Variants in BBOF1 observed in about 807,000 individuals in gnomAD.
The protein encoded by BBOF1 is basal body orientation factor 1.
Under a neutral mutation model 68.0 loss-of-function variants are expected in BBOF1, and 62 were observed. The ratio of observed to expected loss-of-function variants is 0.91; its 90% CI spans 0.74 to 1.13. BBOF1 has a LOEUF of 1.13. Among genes scored for constraint, BBOF1 ranks in the 50% most tolerant of loss-of-function variants. The pLI, the probability that BBOF1 is intolerant of heterozygous loss-of-function variation, is 0.00. For missense variants in BBOF1, 534 were observed against 600.1 expected, an observed-to-expected ratio of 0.89 and a Z score of 1.15; for synonymous variants, 208 against 198.8, an observed-to-expected ratio of 1.05 and a Z score of -0.39.
chr14:74,029,316 T>A, intron 3 of BBOF1, 67 bp downstream of exon 3: 1 of 985,504 alleles, frequency 1.0e-6, no homozygotes, highest in Non-Finnish European at 1.6e-6. Flanking sequence ...GCTCAGGTAT[T>A]TAAGACCCAA....
intron 10 of BBOF1, among the ~76,000 whole-genome samples, chr14:74,080,607 A>T (rs2060660369): frequency 6.6e-6 from 1 of 151,846 alleles, no homozygotes; most frequent in Non-Finnish European, 1.5e-5. Context: ...CCAGCTAATT[A>T]AAAAAAATTT....
chr14:74,043,153 A>G (rs1256955488), intron 5 of BBOF1, among the ~76,000 whole-genome samples: 2 of 152,076 alleles, frequency 1.3e-5, no homozygotes, highest in Non-Finnish European at 2.9e-5. Flanking sequence ...CCGGCCATAT[A>G]AAGGATTTCC....
rs1473579653 is a variant in BBOF1, at chr14:74,047,736, G to A, written c.648-194G>A. 2.0e-5 allele frequency among the ~76,000 whole-genome samples: 3 copies of A among 152,190 alleles called. No individual in the cohort carries two copies. In the East Asian group the frequency reaches 5.8e-4, roughly 29 times the overall value. ...TTATAGATGTGAGCCACTGCATTCA[G>A]CCATTTTCACTTTTTTATTGGGTGA... is the stretch of plus-strand genomic sequence containing the variant. On this transcript the variant is annotated intron_variant, in intron 6 of 11. Coordinates refer to ENST00000394009, the MANE Select transcript of BBOF1 (RefSeq NM_025057.3).
chr14:74,067,038 A>G (rs2060477958), downstream of BBOF1: 1 of 783,416 alleles, frequency 1.3e-6, no homozygotes, highest in Non-Finnish European at 2.1e-6. Flanking sequence ...CAACAAAGTG[A>G]GACTTCATAT....
chr14:74,033,316 C>G (rs1205327926), intron 3 of BBOF1, among the ~76,000 whole-genome samples: 2 of 152,128 alleles, frequency 1.3e-5, no homozygotes, highest in South Asian at 2.1e-4. Context: ...GCCTGTAATC[C>G]CAGTACTTTG....
chr14:74,068,586 T>A (rs565981493), downstream of BBOF1, among the ~76,000 whole-genome samples: 4 of 150,768 alleles, frequency 2.7e-5, no homozygotes, highest in African/African-American at 9.8e-5. Flanking sequence ...TGAAAAAAAA[T>A]AGAAAAATTA....
intron 2 of BBOF1, 102 bp downstream of exon 2, chr14:74,023,246 T>C: frequency 1.5e-6 from 1 of 673,244 alleles, no homozygotes; most frequent in South Asian, 2.1e-5. Context: ...AATCTTAACA[T>C]ATACTTAAGA....
At chr14:74,039,978 GTC>G (rs1255800555) in intron 4 of BBOF1, among the ~76,000 whole-genome samples, 1 of 151,890 alleles carries the variant, frequency 6.6e-6, no homozygotes, top group Non-Finnish European at 1.5e-5. Context: ...TGTTAATGTT[GTC>G]TCTCTCTCTT....
chr14:74,029,558 T>TATA (rs2059515705), intron 3 of BBOF1, among the ~76,000 whole-genome samples: 1 of 151,964 alleles, frequency 6.6e-6, no homozygotes, highest in African/African-American at 2.4e-5. Flanking sequence ...GGTGCATGCT[T>TATA]ATAATCCCAG....
intron 11 of BBOF1, chr14:74,060,723 T>C: frequency 6.2e-7 from 1 of 1,613,312 alleles, no homozygotes; most frequent in Non-Finnish European, 8.5e-7. Context: ...TAATGGTCTT[T>C]AACTGAGTGT....
At chr14:74,038,445 T>C (rs2059759121) in intron 4 of BBOF1, among the ~76,000 whole-genome samples, 1 of 152,130 alleles carries the variant, frequency 6.6e-6, no homozygotes, top group African/African-American at 2.4e-5. Context: ...AGTGGAGAAA[T>C]AGATTTCAGA....
chr14:74,078,171 G>C (rs543380717), intron 9 of BBOF1: 1 of 455,436 alleles, frequency 2.2e-6, no homozygotes, highest in Admixed American at 2.4e-5. Flanking sequence ...ACTTTCAGGA[G>C]CTGACTTTGT....
intron 2 of BBOF1, among the ~76,000 whole-genome samples, chr14:74,026,281 A>G (rs2059424235): frequency 6.6e-6 from 1 of 151,856 alleles, no homozygotes; most frequent in Admixed American, 6.6e-5. Flanking sequence ...ATCTCTACTG[A>G]AAATACAAAA....
chr14:74,070,044 T>A (rs894775409), downstream of BBOF1, among the ~76,000 whole-genome samples: 2 of 151,816 alleles, frequency 1.3e-5, no homozygotes, highest in Non-Finnish European at 2.9e-5. Context: ...TTTCGCCACA[T>A]GGCCCAGGCT....
At chr14:74,044,454 G>T (rs2059902795) in intron 5 of BBOF1, among the ~76,000 whole-genome samples, 1 of 147,638 alleles carries the variant, frequency 6.8e-6, no homozygotes. Context: ...TGTGACTTTG[G>T]GCAAGTCACC....
chr14:74,070,498 G>A (rs897828892), downstream of BBOF1, among the ~76,000 whole-genome samples: 1 of 152,114 alleles, frequency 6.6e-6, no homozygotes, highest in African/African-American at 2.4e-5. Context: ...CAGTCTGGGC[G>A]ACAGAGGGAG....
At chr14:74,068,577 GA>G (rs1055276091), downstream of BBOF1, among the ~76,000 whole-genome samples, 1 of 151,110 alleles carries the variant, frequency 6.6e-6, no homozygotes, top group Non-Finnish European at 1.5e-5. Flanking sequence ...TGTCTCTACT[GA>G]AAAAAAATAG....
At chr14:74,020,072 A>T (rs918169911) in intron 1 of BBOF1, among the ~76,000 whole-genome samples, 2 of 152,248 alleles carry the variant, frequency 1.3e-5, no homozygotes, top group Non-Finnish European at 2.9e-5. Context: ...AAAGTTTGGG[A>T]AACATGGGAA....
In BBOF1 at chr14:74,065,405, T is replaced by C. The variant is rs1341266735; in HGVS notation, c.*706T>C. 6.3e-7 allele frequency: 1 copy of C among 1,579,770 alleles called. No individual in the cohort carries two copies. Among genetic ancestry groups the C allele is most frequent in the African/African-American group, 1.3e-5 (1 of 74,334 alleles). On this transcript the variant is annotated 3_prime_UTR_variant, in exon 12 of 12. Transcript: ENST00000394009. ...CAGAAAAGAAGTCAGCTTTTTGGATTCTGAGTATTTTATGCTTATTTGGTA... is the reference window on the plus strand; with the variant it reads ...CAGAAAAGAAGTCAGCTTTTTGGATCCTGAGTATTTTATGCTTATTTGGTA...
Sources: gnomAD v4.1 joint callset for allele counts (sites outside exome capture counted in the v4.1 genomes callset) on GRCh38, gnomAD v4.1.1 for gene constraint, MANE v1.5 for transcripts, NCBI Gene and HGNC (gene_info 2026-07-23, HGNC 2026-07-21) for gene names.